PDZRN4: variants seen among roughly 807,000 people sequenced by gnomAD.
PDZRN4 encodes the protein PDZ domain containing ring finger 4.
In PDZRN4, 70 loss-of-function variants were observed where a neutral mutation model predicts 99.0. That is an observed-to-expected ratio of 0.71 (90% CI 0.58 to 0.86). PDZRN4 has a LOEUF of 0.86. PDZRN4 is among the 40% of genes least tolerant of loss of function. The pLI is 0.00. For missense variants in PDZRN4, 1,474 were observed against 1,331.2 expected (o/e 1.11, Z -1.67); for synonymous variants, 551 against 501.6 (o/e 1.10, Z -1.32).
At chr12:41,526,952 T>C (rs1938578268) in intron 5 of PDZRN4, among the ~76,000 whole-genome samples, 1 of 152,232 alleles carries the variant, frequency 6.6e-6, no homozygotes, top group South Asian at 2.1e-4. Context: ...ATAAATATTT[T>C]TGAGCAATAC....
At chr12:41,466,633 A>T (rs763994964) in intron 3 of PDZRN4, among the ~76,000 whole-genome samples, 9 of 152,116 alleles carry the variant, frequency 5.9e-5, no homozygotes, top group Non-Finnish European at 1.0e-4. Context: ...TGCATTAAAA[A>T]CGTGGAGGGG....
In PDZRN4 at chr12:41,542,107, T is replaced by C. The variant is rs534529787; in HGVS notation, c.1204-10549T>C. 2.4e-3 allele frequency among the ~76,000 whole-genome samples: 365 copies of C among 152,324 alleles called. 2 individuals carry two copies. The highest frequency in any genetic ancestry group is 0.02 in the Middle Eastern group (6 of 294). Reference sequence around the variant, plus strand: ...AGCACAAAGGGTCACCCCGTCCTTATGGATTGCTTACTTTGCAGAGTGCAC... The same window carrying C: ...AGCACAAAGGGTCACCCCGTCCTTACGGATTGCTTACTTTGCAGAGTGCAC... On this transcript the variant is annotated intron_variant, in intron 5 of 9. Coordinates refer to ENST00000402685, the MANE Select transcript of PDZRN4 (RefSeq NM_001164595.2).
At chr12:41,310,988 C>T (rs558037243) in intron 3 of PDZRN4, among the ~76,000 whole-genome samples, 1 of 152,158 alleles carries the variant, frequency 6.6e-6, no homozygotes, top group South Asian at 2.1e-4. Flanking sequence ...AATTAGGTCT[C>T]CTGCTAATAA....
chr12:41,203,146 A>C (rs1006276198), intron 3 of PDZRN4, among the ~76,000 whole-genome samples: 16 of 152,068 alleles, frequency 1.1e-4, no homozygotes, highest in African/African-American at 3.9e-4. Context: ...GTTGAAAAAA[A>C]AACCTGTTAT....
chr12:41,219,825 T>C (rs569085564), intron 3 of PDZRN4, among the ~76,000 whole-genome samples: 6 of 152,282 alleles, frequency 3.9e-5, no homozygotes, highest in African/African-American at 1.4e-4. Flanking sequence ...AGGAATTCCA[T>C]TTATTCAGCA....
At chr12:41,275,709 A>G (rs1951346034) in intron 3 of PDZRN4, among the ~76,000 whole-genome samples, 1 of 152,134 alleles carries the variant, frequency 6.6e-6, no homozygotes, top group African/African-American at 2.4e-5. Context: ...AAGGCTATAG[A>G]TATATAGTAA....
At chr12:41,317,209 T>C (rs1951645210) in intron 3 of PDZRN4, among the ~76,000 whole-genome samples, 1 of 151,520 alleles carries the variant, frequency 6.6e-6, no homozygotes, top group Admixed American at 6.6e-5. Flanking sequence ...GATAAAGAGA[T>C]AAAAAATTAT....
At chr12:41,542,228 G>A (rs36020206) in intron 5 of PDZRN4, among the ~76,000 whole-genome samples, 17,268 of 152,238 alleles carry the variant, frequency 0.11, 1,114 homozygotes, top group South Asian at 0.22. Context: ...TGAGAGTGGA[G>A]ATGCAATCAA....
chr12:41,478,068 C>A (rs1420683906), intron 3 of PDZRN4: 1 of 614,084 alleles, frequency 1.6e-6, no homozygotes, highest in Non-Finnish European at 2.9e-6. Context: ...TATATTTTAT[C>A]TCATAGGTAC....
chr12:41,544,310 C>T (rs760240765), intron 5 of PDZRN4, among the ~76,000 whole-genome samples: 47 of 152,188 alleles, frequency 3.1e-4, no homozygotes, highest in Non-Finnish European at 1.5e-4. Context: ...GACTGGGTCA[C>T]ATCTATTGTT....
intron 5 of PDZRN4, among the ~76,000 whole-genome samples, chr12:41,521,940 A>G (rs1178604735): frequency 7.2e-5 from 11 of 152,078 alleles, no homozygotes; most frequent in African/African-American, 1.7e-4. Flanking sequence ...AGACTCCTAA[A>G]TAGCCGTTGG....
chr12:41,399,053 T>C (rs1459882319), intron 3 of PDZRN4, among the ~76,000 whole-genome samples: 1 of 152,114 alleles, frequency 6.6e-6, no homozygotes, highest in African/African-American at 2.4e-5. Flanking sequence ...AGGATTTGAG[T>C]TATTGGATCT....
At chr12:41,289,436 A>G (rs953648119) in intron 3 of PDZRN4, among the ~76,000 whole-genome samples, 2 of 152,188 alleles carry the variant, frequency 1.3e-5, no homozygotes, top group Admixed American at 6.5e-5. Flanking sequence ...AAATATATGG[A>G]TTGAAACAGG....
At position 41,360,636 on chromosome 12, in the gene PDZRN4, A is replaced by C. The variant is rs548539950; in HGVS notation, c.844-145820A>C. On this transcript the variant is annotated intron_variant, in intron 3 of 9. Transcript: ENST00000402685. ...TATATGGCTTATTTGGTGCAAAAAAATTAATGAATAATTGACTTGCATTTT... is the reference window on the plus strand; with the variant it reads ...TATATGGCTTATTTGGTGCAAAAAACTTAATGAATAATTGACTTGCATTTT... Among the ~76,000 whole-genome samples the C allele has an allele frequency of 2.0e-5, 3 of 152,226 alleles. No homozygotes were observed. The South Asian group carries it at 6.2e-4, about 31-fold the overall frequency.
Position 41,572,604 on chromosome 12 carries a change from G to A in PDZRN4, c.1825G>A (p.Gly609Ser), listed in dbSNP as rs371154774. The A allele has an allele frequency of 5.6e-6, 9 of 1,614,128 alleles. No homozygotes were observed. The South Asian group carries it at 9.9e-5, about 18-fold the overall frequency. ...TCAGTACAATGAGAGCCTCGTATCT[G>A]GTGAATACATTGACTCAGACTGCAT... ...ELQYNESLVS[G>S]EYIDSDCIGN... The change falls in exon 10 of 10, where the codon GGT becomes AGT. Residue 609 changes from glycine to serine, a missense_variant. Gly to Ser is a moderately conservative substitution (Grantham distance 56). Transcript: ENST00000402685.
intron 3 of PDZRN4, among the ~76,000 whole-genome samples, chr12:41,252,091 G>A (rs1300934022): frequency 3.3e-5 from 5 of 151,938 alleles, no homozygotes; most frequent in South Asian, 4.2e-4. Context: ...ACTCCAGATC[G>A]GGTGAAAAAG....
At chr12:41,499,651 G>T (rs958047212) in intron 3 of PDZRN4, among the ~76,000 whole-genome samples, 6 of 152,008 alleles carry the variant, frequency 3.9e-5, no homozygotes, top group Non-Finnish European at 7.4e-5. Flanking sequence ...ACATCCTCAA[G>T]ATTACCTATA....
intron 3 of PDZRN4, among the ~76,000 whole-genome samples, chr12:41,390,118 G>A (rs941222422): frequency 5.9e-5 from 9 of 152,124 alleles, no homozygotes; most frequent in African/African-American, 1.7e-4. Context: ...GTTGAGGGCC[G>A]TGATAATTTC....
rs147556679 is a variant in PDZRN4, at chr12:41,369,087, T to G, written c.844-137369T>G. On this transcript the variant is annotated intron_variant, in intron 3 of 9. Transcript: ENST00000402685. Reference sequence around the variant, plus strand: ...AACTTTTTCATAAAGATAATTATTTTTATGTGTCAAACTCAACTATTAAGT... The same window carrying G: ...AACTTTTTCATAAAGATAATTATTTGTATGTGTCAAACTCAACTATTAAGT... Among the ~76,000 whole-genome samples the G allele has an allele frequency of 1.4e-3, 211 of 152,248 alleles. 1 individual carries two copies. Among genetic ancestry groups the G allele is most frequent in the African/African-American group, 4.9e-3 (205 of 41,578 alleles).
Sources: allele counts gnomAD v4.1 joint callset (sites outside exome capture counted in the v4.1 genomes callset), GRCh38; gene constraint gnomAD v4.1.1; transcripts MANE v1.5; gene names NCBI Gene and HGNC (gene_info 2026-07-23, HGNC 2026-07-21).